PLCZ1: variants seen among roughly 807,000 people sequenced by gnomAD.
The protein encoded by PLCZ1 is 1-phosphatidylinositol 4,5-bisphosphate phosphodiesterase zeta-1.
PLCZ1 carries 64 observed loss-of-function variants against 76.8 expected under a neutral mutation model. That is an observed-to-expected ratio of 0.83 (90% CI 0.68 to 1.03). The LOEUF is 1.03. Among genes scored for constraint, PLCZ1 ranks in the 50% least tolerant of loss-of-function variants. The probability of loss-of-function intolerance (pLI) is 0.00; values close to 1 mark genes in which losing one functional copy is unlikely to be tolerated. For synonymous variants in PLCZ1, 248 were observed against 230.8 expected, an observed-to-expected ratio of 1.07 and a Z score of -0.68; for missense variants, 751 against 713.7, an observed-to-expected ratio of 1.05 and a Z score of -0.60.
At chr12:18,683,990 GA>G in intron 14 of PLCZ1, 139 bp downstream of exon 14, 1 of 1,059,978 alleles carries the variant, frequency 9.4e-7, no homozygotes, top group Non-Finnish European at 1.4e-6. Context: ...ATTCCACAGA[GA>G]AAAAATATGT....
At chr12:18,737,029 C>T (rs79320998) in intron 2 of PLCZ1, among the ~76,000 whole-genome samples, 2 of 151,830 alleles carry the variant, frequency 1.3e-5, no homozygotes, top group Non-Finnish European at 2.9e-5. Context: ...AAACTAAGAT[C>T]GAAATGAGAT....
At chr12:18,736,728 G>C (rs1959330822) in intron 2 of PLCZ1, 1 of 1,247,162 alleles carries the variant, frequency 8.0e-7, no homozygotes, top group Non-Finnish European at 1.1e-6. Context: ...TTCCAGAAAG[G>C]TGAGCAAATT....
chr12:18,705,222 C>G lies in PLCZ1; in HGVS notation c.808G>C (p.Glu270Gln). The change falls in exon 7 of 15, where the codon GAG (glutamate) becomes CAG (glutamine). Residue 270 changes from glutamate (E) to glutamine (Q), a missense_variant. Coordinates refer to ENST00000266505, the MANE Select transcript of PLCZ1 (RefSeq NM_033123.4). ...MADNLQATFG[E>Q]SLLSDMLDDF... The stretch of plus-strand genomic sequence containing the variant: ...TCAAGCATATCAGAAAGCAAGGACT[C>G]TCCAAAAGTAGCCTGCAAATTGTCT... 1 of 1,614,034 alleles carries G rather than the reference C, an allele frequency of 6.2e-7. No homozygotes were observed. The highest frequency in any genetic ancestry group is 8.5e-7 in the Non-Finnish European group (1 of 1,180,014).
At chr12:18,696,322 C>CTATATATAAATATATATATATA (rs1954987196) in intron 10 of PLCZ1, 56 bp from the exon 11 acceptor site, 1 of 253,072 alleles carries the variant, frequency 4.0e-6, no homozygotes, top group Non-Finnish European at 6.8e-6. Flanking sequence ...TAAAAAGCCA[C>CTATATATAAATATATATATATA]TATATATATA....
intron 10 of PLCZ1, among the ~76,000 whole-genome samples, 195 bp downstream of exon 10, chr12:18,699,599 A>G (rs575169969): frequency 5.9e-5 from 9 of 152,274 alleles, no homozygotes; most frequent in South Asian, 4.1e-4. Context: ...GGCTTAGGAA[A>G]GTTAATTAAT....
chr12:18,678,344 T>C (rs148175835), downstream of PLCZ1, among the ~76,000 whole-genome samples: 1 of 152,206 alleles, frequency 6.6e-6, no homozygotes, highest in African/African-American at 2.4e-5. Context: ...TTTGAATTTT[T>C]TCAACTTTTT....
At chr12:18,680,585 AAAG>A (rs1334866801), downstream of PLCZ1, among the ~76,000 whole-genome samples, 4 of 152,022 alleles carry the variant, frequency 2.6e-5, no homozygotes, top group Non-Finnish European at 4.4e-5. Flanking sequence ...ACAACCAGAA[AAAG>A]AATAAACCCT....
intron 3 of PLCZ1, among the ~76,000 whole-genome samples, chr12:18,729,955 T>C (rs947987082): frequency 6.6e-6 from 1 of 152,156 alleles, no homozygotes; most frequent in Non-Finnish European, 1.5e-5. Context: ...ACTTAACTGA[T>C]GCAGCGTCTA....
At chr12:18,659,663 CTTT>C in the PLCZ1 span, among the ~76,000 whole-genome samples, 2 of 133,824 alleles carry the variant, frequency 1.5e-5, no homozygotes, top group African/African-American at 2.7e-5. Context: ...GTTCTCCATT[CTTT>C]TTTTTTTTTT....
chr12:18,676,726 C>T, the PLCZ1 span, among the ~76,000 whole-genome samples: 1 of 152,032 alleles, frequency 6.6e-6, no homozygotes. Context: ...TTAACTATTC[C>T]TGTTGTCTTA....
Position 18,712,926 on chromosome 12 carries a change from T to C in PLCZ1, c.630A>G (p.Glu210=). Residue 210 remains glutamate (E), a synonymous_variant, in exon 6 of 15, where the codon GAA becomes GAG. Coordinates refer to ENST00000266505, the MANE Select transcript of PLCZ1 (RefSeq NM_033123.4). Reference sequence around the variant, plus strand: ...GTGTGTAGCCATGATATACAACAGGTTCATTTTGTGCTCCATCCCAGCAGT... The same window carrying C: ...GTGTGTAGCCATGATATACAACAGGCTCATTTTGTGCTCCATCCCAGCAGT... ...EIDCWDGAQN[E]PVVYHGYTLT... The C allele has an allele frequency of 1.2e-6, 2 of 1,613,936 alleles. No individual in the cohort carries two copies. Among genetic ancestry groups the C allele is most frequent in the Non-Finnish European group, 1.7e-6 (2 of 1,179,870 alleles).
intron 3 of PLCZ1, 50 bp from the exon 4 acceptor site, chr12:18,723,592 T>C (rs760496083): frequency 2.3e-6 from 3 of 1,325,420 alleles, no homozygotes; most frequent in Non-Finnish European, 2.2e-6. Context: ...AAAAAATACA[T>C]AAAATGAATA....
chr12:18,721,129 G>A (rs1958411776), intron 4 of PLCZ1, among the ~76,000 whole-genome samples: 1 of 152,070 alleles, frequency 6.6e-6, no homozygotes, highest in Non-Finnish European at 1.5e-5. Context: ...TTAATTAGCA[G>A]TAATTGGCTT....
chr12:18,694,071 A>C, intron 12 of PLCZ1: 1 of 1,278,956 alleles, frequency 7.8e-7, no homozygotes, highest in Non-Finnish European at 1.1e-6. Flanking sequence ...AAGAAACAGG[A>C]AGACACCCCT....
chr12:18,685,843 C>T (rs1021478008), intron 13 of PLCZ1, among the ~76,000 whole-genome samples: 3 of 43,560 alleles, frequency 6.9e-5, no homozygotes, highest in Non-Finnish European at 1.6e-4. Flanking sequence ...CACACACACA[C>T]GCGCACACAC....
chr12:18,696,103 C>T, intron 11 of PLCZ1, 47 bp downstream of exon 11: 1 of 1,029,588 alleles, frequency 9.7e-7, no homozygotes, highest in Non-Finnish European at 1.5e-6. Context: ...AAAATGAATT[C>T]ATTTTATGTT....
chr12:18,706,657 G>T (rs1174267753), intron 6 of PLCZ1, among the ~76,000 whole-genome samples: 1 of 152,006 alleles, frequency 6.6e-6, no homozygotes, highest in Non-Finnish European at 1.5e-5. Flanking sequence ...TCTTTGTTTT[G>T]ATTTCATATA....
chr12:18,724,127 T>C (rs1958612434), intron 3 of PLCZ1, among the ~76,000 whole-genome samples: 1 of 152,110 alleles, frequency 6.6e-6, no homozygotes, highest in Admixed American at 6.6e-5. Context: ...TGGGAGTTTC[T>C]GAATAGGAAA....
rs117211375 is a variant in PLCZ1 at position 18,717,972 on chromosome 12, G to C, written c.569+1459C>G. The stretch of plus-strand genomic sequence containing the variant: ...GCACGATGTTGAGCAGCAGCAGTGA[G>C]CTACAGATCCCACTCAGCCACATGA... On this transcript the variant is annotated intron_variant, in intron 5 of 14. Coordinates refer to ENST00000266505, the MANE Select transcript of PLCZ1 (RefSeq NM_033123.4). Among the ~76,000 whole-genome samples, 838 of 152,236 alleles carry C rather than the reference G, an allele frequency of 5.5e-3. 5 individuals carry two copies. The highest frequency in any genetic ancestry group is 8.7e-3 in the Non-Finnish European group (590 of 68,026).
Sources: allele counts gnomAD v4.1 joint callset (sites outside exome capture counted in the v4.1 genomes callset), GRCh38; gene constraint gnomAD v4.1.1; transcripts MANE v1.5; gene names NCBI Gene and HGNC (gene_info 2026-07-23, HGNC 2026-07-21).